FRMD1: variants seen among roughly 807,000 people sequenced by gnomAD.
FRMD1 encodes the protein FERM domain-containing protein 1.
In FRMD1, 51 loss-of-function variants were observed where a neutral mutation model predicts 54.9. That is an observed-to-expected ratio of 0.93 (90% CI 0.74 to 1.17). The LOEUF (loss-of-function observed/expected upper bound fraction) is 1.17. Among genes scored for constraint, FRMD1 ranks in the 50% most tolerant of loss-of-function variants. The pLI is 0.00. For synonymous variants in FRMD1, 324 were observed against 306.4 expected, an observed-to-expected ratio of 1.06 and a Z score of -0.60; for missense variants, 729 against 743.0, an observed-to-expected ratio of 0.98 and a Z score of 0.22.
In FRMD1 at chr6:168,056,413, T is replaced by A. The variant is rs2114936804; in HGVS notation, c.*684A>T. The stretch of plus-strand genomic sequence containing the variant: ...CCTCATGGCTGAGATGGGAGCAGAG[T>A]CGGCTTCAGCTCCGGGGCAGTGGGG... On this transcript the variant is annotated 3_prime_UTR_variant, in exon 11 of 11. Coordinates refer to ENST00000283309, the MANE Select transcript of FRMD1 (RefSeq NM_024919.6). 1 of 152,266 alleles carries A rather than the reference T, an allele frequency of 6.6e-6. No individual in the cohort carries two copies. The highest frequency in any genetic ancestry group is 2.0e-4 in the East Asian group (1 of 5,126). The allele number at this position is 152,266 out of a possible 1,614,324, so 9.4% of individuals were successfully genotyped here. A position where few individuals can be genotyped will look rare whatever the true frequency, so the allele number is the denominator to read the frequency against.
rs1799480228 is a variant in FRMD1, at chr6:168,057,574, C to T, written c.1408-235G>A. The T allele has an allele frequency of 5.2e-6, 3 of 572,272 alleles. No homozygotes were observed. The South Asian group carries it at 6.2e-5, about 12-fold the overall frequency. The allele number at this position is 572,272 out of a possible 1,614,324, so 35.4% of individuals were successfully genotyped here. On this transcript the variant is annotated intron_variant, in intron 10 of 10. Coordinates refer to ENST00000283309, the MANE Select transcript of FRMD1 (RefSeq NM_024919.6). ...GGCCCCCACCTTGCCCAGCTTCTTT[C>T]CTGGGGCTGCTTTCTGCCTTTTAAC...
chr6:168,075,517 C>A (rs77557693), intron 1 of FRMD1, among the ~76,000 whole-genome samples, 182 bp from the exon 2 acceptor site: 8,919 of 152,032 alleles, frequency 0.059, 305 homozygotes, highest in South Asian at 0.078. Flanking sequence ...CCCATCAGAG[C>A]ACCTGTGAGT....
In FRMD1 at chr6:168,060,882, G is replaced by C; in HGVS notation, c.1221C>G (p.Leu407=). The C allele has an allele frequency of 6.2e-7, 1 of 1,613,852 alleles. No homozygotes were observed. Among genetic ancestry groups the C allele is most frequent in the Non-Finnish European group, 8.5e-7 (1 of 1,180,030 alleles). The change falls in exon 9 of 11, where the codon CTC becomes CTG. Residue 407 remains leucine, a synonymous_variant. Transcript: ENST00000283309. Reference sequence around the variant, plus strand: ...CCACAGACATCTCTCTGGATTCCCTGAGCCAGGAGTTGGCCTTGATGCCTG... The same window carrying C: ...CCACAGACATCTCTCTGGATTCCCTCAGCCAGGAGTTGGCCTTGATGCCTG... ...YTSGIKANSW[L]RESREMSVDV...
intron 7 of FRMD1, chr6:168,062,525 G>A (rs1799803722): frequency 3.7e-6 from 3 of 800,660 alleles, no homozygotes; most frequent in Non-Finnish European, 5.9e-6. Flanking sequence ...CAAAGCCCGT[G>A]AGGCCAGGAC....
intron 2 of FRMD1, among the ~76,000 whole-genome samples, chr6:168,073,186 C>A (rs1343118702): frequency 6.6e-6 from 1 of 152,172 alleles, no homozygotes; most frequent in Non-Finnish European, 1.5e-5. Flanking sequence ...TTCCCACCTC[C>A]CCACCCCCAG....
At chr6:168,075,866 CGGT>C in intron 1 of FRMD1, 10 of 1,348,484 alleles carry the variant, frequency 7.4e-6, no homozygotes, top group South Asian at 3.9e-5. Flanking sequence ...TCCACATTTC[CGGT>C]GCCCGGTGTC....
At chr6:168,077,563 C>A (rs893496778) in intron 1 of FRMD1, among the ~76,000 whole-genome samples, 1 of 152,218 alleles carries the variant, frequency 6.6e-6, no homozygotes, top group African/African-American at 2.4e-5. Context: ...GCGCACACCC[C>A]GATAGGAAGT....
At chr6:168,073,412 G>A (rs921040431) in intron 2 of FRMD1, among the ~76,000 whole-genome samples, 2 of 152,188 alleles carry the variant, frequency 1.3e-5, no homozygotes, top group Non-Finnish European at 2.9e-5. Flanking sequence ...GGGTCTAAAT[G>A]CATGAGGTCA....
intron 1 of FRMD1, among the ~76,000 whole-genome samples, chr6:168,077,563 C>T (rs893496778): frequency 3.3e-5 from 5 of 152,218 alleles, no homozygotes; most frequent in East Asian, 1.9e-4. Flanking sequence ...GCGCACACCC[C>T]GATAGGAAGT....
At chr6:168,075,834 T>C (rs1300675172) in intron 1 of FRMD1, 1 of 1,538,498 alleles carries the variant, frequency 6.5e-7, no homozygotes, top group Non-Finnish European at 8.8e-7. Context: ...CTGGTGCGTG[T>C]CCCTGTTTCC....
upstream of FRMD1, among the ~76,000 whole-genome samples, chr6:168,079,815 C>T (rs1800776222): frequency 6.6e-6 from 1 of 152,334 alleles, no homozygotes; most frequent in Admixed American, 6.5e-5. Flanking sequence ...CCGGGTGCAT[C>T]AGCACGAGGG....
intron 2 of FRMD1, among the ~76,000 whole-genome samples, chr6:168,074,732 GGTGT>G (rs1800490099): frequency 6.8e-6 from 1 of 148,112 alleles, no homozygotes; most frequent in South Asian, 2.2e-4. Context: ...ACATGTGACT[GGTGT>G]GTAACTGTGT....
chr6:168,082,668 C>A (rs1336582506), upstream of FRMD1, among the ~76,000 whole-genome samples: 4 of 152,174 alleles, frequency 2.6e-5, no homozygotes, highest in African/African-American at 9.7e-5. Context: ...TTCCCGAGAC[C>A]CACCGCAAAG....
At chr6:168,062,787 C>T in intron 7 of FRMD1, 107 bp downstream of exon 7, 1 of 1,602,318 alleles carries the variant, frequency 6.2e-7, no homozygotes, top group East Asian at 2.2e-5. Flanking sequence ...CCAGCCAGCG[C>T]CCATGACCGC....
Position 168,059,331 on chromosome 6 carries a change from GGT to G in FRMD1, c.1343-145_1343-144del, listed in dbSNP as rs2114951756. ...CACACCGCCCCCTTGCTCTCAGTGC[GGT>G]GACTGCTTTTGCTCCATTCCCCGAC... On this transcript the variant is annotated intron_variant, in intron 9 of 10. Transcript: ENST00000283309. The surrounding 1 kb of genome is among the most constrained non-coding windows in gnomAD (Gnocchi z 4.4). The G allele has an allele frequency of 6.0e-6, 4 of 666,262 alleles. No homozygotes were observed. The East Asian group carries it at 1.1e-4, about 18-fold the overall frequency. 41.3% of individuals were successfully genotyped at this position (666,262 alleles called of 1,614,324 possible).
chr6:168,061,399 G>A (rs544189090), intron 8 of FRMD1, among the ~76,000 whole-genome samples: 3 of 152,108 alleles, frequency 2.0e-5, no homozygotes, highest in African/African-American at 7.2e-5. Context: ...GGCCAGGCCT[G>A]TGGGTAAACA....
In FRMD1 at chr6:168,089,252, T is replaced by C. The variant is rs924106113; in HGVS notation, c.-11-10228A>G. On this transcript the variant is annotated intron_variant, in intron 1 of 12. Transcript: ENST00000644440. ...CCTCAGCTGTATAGGGAGATCCTTC[T>C]GCTGCCAGTGGGTGAAGGGACCCAG... Among the ~76,000 whole-genome samples, 7 of 152,334 alleles carry C rather than the reference T, an allele frequency of 4.6e-5. No homozygotes were observed. In the East Asian group the frequency reaches 1.4e-3, roughly 29 times the overall value.
chr6:168,057,653 T>C lies in FRMD1; in HGVS notation c.1408-314A>G, dbSNP rs531740361. 2.2e-5 allele frequency: 8 copies of C among 365,756 alleles called. No individual in the cohort carries two copies. The South Asian group carries it at 2.4e-4, about 11-fold the overall frequency. 22.7% of individuals were successfully genotyped at this position (365,756 alleles called of 1,614,324 possible). A position where few individuals can be genotyped will look rare whatever the true frequency, so the allele number is the denominator to read the frequency against. On this transcript the variant is annotated intron_variant, in intron 10 of 10. Coordinates refer to ENST00000283309, the MANE Select transcript of FRMD1 (RefSeq NM_024919.6). ...TGTAATTTAGGATCAGGTCTGAGTGTGGGCCTTGAACACTAGCTCTGGAAG... is the reference window on the plus strand; with the variant it reads ...TGTAATTTAGGATCAGGTCTGAGTGCGGGCCTTGAACACTAGCTCTGGAAG...
chr6:168,058,614 C>G (rs1268287916), intron 10 of FRMD1, among the ~76,000 whole-genome samples: 1 of 152,194 alleles, frequency 6.6e-6, no homozygotes, highest in African/African-American at 2.4e-5. Flanking sequence ...CCTGAGCCCA[C>G]CTGTTCCCCA....
Sources: gnomAD v4.1 joint callset for allele counts (sites outside exome capture counted in the v4.1 genomes callset) on GRCh38, gnomAD v4.1.1 for gene constraint, Gnocchi (gnomAD v3.1) non-coding constraint, MANE v1.5 for transcripts, NCBI Gene and HGNC (gene_info 2026-07-23, HGNC 2026-07-21) for gene names.